Variants in TEX48 observed in about 807,000 individuals in gnomAD.
TEX48 encodes testis expressed 48, also known as testis-expressed protein 48.
Under a neutral mutation model 13.2 loss-of-function variants are expected in TEX48, and 10 were observed. The observed-to-expected ratio is 0.75, with a 90% CI of 0.47 to 1.28. The LOEUF (loss-of-function observed/expected upper bound fraction) is 1.28. Among genes scored for constraint, TEX48 ranks in the 50% most tolerant of loss-of-function variants. TEX48 has a pLI of 0.00. For missense variants in TEX48, 116 were observed against 139.4 expected (o/e 0.83, Z 0.84); for synonymous variants, 45 against 52.3 (o/e 0.86, Z 0.60).
At chr9:114,681,223 C>T (rs776906723) in intron 1 of TEX48, among the ~76,000 whole-genome samples, 1 of 152,080 alleles carries the variant, frequency 6.6e-6, no homozygotes, top group African/African-American at 2.4e-5. Flanking sequence ...CGATCTGAAG[C>T]GCAGGTTTGT....
intron 1 of TEX48, among the ~76,000 whole-genome samples, chr9:114,677,503 C>T (rs761408896): frequency 6.6e-6 from 1 of 152,150 alleles, no homozygotes; most frequent in Non-Finnish European, 1.5e-5. Context: ...TCTTCATCCA[C>T]TTATAAAAAT....
intron 1 of TEX48, among the ~76,000 whole-genome samples, chr9:114,680,601 C>T (rs1054364224): frequency 6.6e-6 from 1 of 152,206 alleles, no homozygotes; most frequent in Non-Finnish European, 1.5e-5. Context: ...AAAAATGGAA[C>T]TGTGTTTTCA....
chr9:114,670,431 T>G (rs1827924820), intron 3 of TEX48, among the ~76,000 whole-genome samples: 1 of 152,174 alleles, frequency 6.6e-6, no homozygotes, highest in African/African-American at 2.4e-5. Flanking sequence ...CCTGGCCATC[T>G]GTGCTCACCC....
intron 1 of TEX48, among the ~76,000 whole-genome samples, chr9:114,673,125 A>G (rs977278188): frequency 6.6e-6 from 1 of 152,090 alleles, no homozygotes; most frequent in Non-Finnish European, 1.5e-5. Flanking sequence ...AAGTTACTAA[A>G]TTTGATGGAA....
chr9:114,667,051 C>T (rs970963181), intron 4 of TEX48, among the ~76,000 whole-genome samples: 6 of 152,296 alleles, frequency 3.9e-5, no homozygotes, highest in Admixed American at 3.3e-4. Context: ...TTCCCTAGTG[C>T]ACTCGTGGGA....
chr9:114,668,247 T>C lies in TEX48; in HGVS notation c.218A>G (p.Gln73Arg), dbSNP rs1827878768. 6.5e-7 allele frequency: 1 copy of C among 1,535,656 alleles called. No homozygotes were observed. The highest frequency in any genetic ancestry group is 8.7e-7 in the Non-Finnish European group (1 of 1,146,834). ...GCTGGAGGAAGTGCTCTTTTTTGTC[T>C]GGATCAGGGGTGTTCTCGAAGGCAA... ...SHLPSRTPLI[Q>R]TKKSTSSSSS... is the part of the protein sequence containing the mutation. Residue 73 changes from glutamine to arginine, a missense_variant, in exon 4 of 5, where the codon CAG becomes CGG. By Grantham distance (43) the Gln-to-Arg change is conservative. Coordinates refer to ENST00000436752, the MANE Select transcript of TEX48 (RefSeq NM_001199233.2).
intron 1 of TEX48, among the ~76,000 whole-genome samples, chr9:114,680,895 C>T (rs141636936): frequency 6.6e-6 from 1 of 152,200 alleles, no homozygotes; most frequent in Non-Finnish European, 1.5e-5. Flanking sequence ...AACACTGCTG[C>T]CTCTGAAACA....
intron 1 of TEX48, among the ~76,000 whole-genome samples, chr9:114,681,681 T>C (rs1323461653): frequency 6.6e-6 from 1 of 152,150 alleles, no homozygotes; most frequent in African/African-American, 2.4e-5. Context: ...GCACTACCAG[T>C]GACCCCCTCT....
chr9:114,680,820 T>C (rs1293498606), intron 1 of TEX48, among the ~76,000 whole-genome samples: 3 of 152,184 alleles, frequency 2.0e-5, no homozygotes, highest in Non-Finnish European at 4.4e-5. Context: ...GAAACTCCCT[T>C]GGTAACCATT....
chr9:114,675,947 C>G (rs1328722486), intron 1 of TEX48, among the ~76,000 whole-genome samples: 1 of 152,228 alleles, frequency 6.6e-6, no homozygotes, highest in Admixed American at 6.5e-5. Flanking sequence ...TCAGGGGCTA[C>G]AGGAAGGCAT....
In TEX48 at chr9:114,671,663, G is replaced by A. The variant is rs975461094; in HGVS notation, c.4+57C>T. The A allele has an allele frequency of 2.0e-6, 3 of 1,534,992 alleles. No individual in the cohort carries two copies. In the Admixed American group the frequency reaches 5.9e-5, roughly 30 times the overall value. On this transcript the variant is annotated intron_variant, in intron 2 of 4. Transcript: ENST00000436752. ...CCCAAATCTTCTGTAGCTTCCCATG[G>A]CCAGCAGATCCTTCTGCCTAGGCCA...
At chr9:114,681,923 G>T (rs1197105395) in intron 1 of TEX48, 112 bp downstream of exon 1, 1 of 152,312 alleles carries the variant, frequency 6.6e-6, no homozygotes, top group African/African-American at 2.4e-5. Context: ...GATGGGGATT[G>T]CTTCTTGGAG....
At chr9:114,680,121 CT>C (rs1222465975) in intron 1 of TEX48, among the ~76,000 whole-genome samples, 169 of 44,594 alleles carry the variant, frequency 3.8e-3, no homozygotes, top group Middle Eastern at 0.01. Flanking sequence ...GTCATTGTCC[CT>C]TTTTTTTTTT....
At chr9:114,679,798 TTTTTC>T (rs2133768904) in intron 1 of TEX48, among the ~76,000 whole-genome samples, 1 of 152,264 alleles carries the variant, frequency 6.6e-6, no homozygotes, top group Admixed American at 6.5e-5. Context: ...TAAAGTGCCT[TTTTTC>T]CCCTCACCTT....
chr9:114,676,591 C>A (rs1675718596), intron 1 of TEX48, among the ~76,000 whole-genome samples: 1 of 151,478 alleles, frequency 6.6e-6, no homozygotes, highest in South Asian at 2.1e-4. Context: ...AGACAAATGT[C>A]CATGGAAGCA....
At chr9:114,672,672 C>T (rs919303611) in intron 1 of TEX48, among the ~76,000 whole-genome samples, 5 of 152,186 alleles carry the variant, frequency 3.3e-5, no homozygotes, top group African/African-American at 1.2e-4. Flanking sequence ...CTCCTTATTT[C>T]TCTTACCCTG....
At chr9:114,671,341 G>A in intron 3 of TEX48, 42 bp downstream of exon 3, 1 of 1,531,462 alleles carries the variant, frequency 6.5e-7, no homozygotes, top group Non-Finnish European at 8.7e-7. Context: ...AGCAAAGTGA[G>A]GTTTAGAGAG....
intron 4 of TEX48, among the ~76,000 whole-genome samples, chr9:114,667,128 G>C (rs750672668): frequency 6.6e-6 from 1 of 152,194 alleles, no homozygotes; most frequent in Non-Finnish European, 1.5e-5. Flanking sequence ...AGGAGTGGGC[G>C]AGCTAGTGGG....
At chr9:114,671,293 T>C in intron 3 of TEX48, 90 bp downstream of exon 3, 1 of 1,436,990 alleles carries the variant, frequency 7.0e-7, no homozygotes, top group Non-Finnish European at 9.3e-7. Context: ...GTGATAGTGA[T>C]GAAGGCAGTT....
Sources: gnomAD v4.1 joint callset for allele counts (sites outside exome capture counted in the v4.1 genomes callset) on GRCh38, gnomAD v4.1.1 for gene constraint, MANE v1.5 for transcripts, NCBI Gene and HGNC (gene_info 2026-07-23, HGNC 2026-07-21) for gene names.